Variants in PRSS55 observed in about 807,000 individuals in gnomAD.
PRSS55 encodes the protein probable serine protease UNQ9391/PRO34284.
Under a neutral mutation model 23.6 loss-of-function variants are expected in PRSS55, and 41 were observed. That is an observed-to-expected ratio of 1.74 (90% CI 1.35 to 2.26). PRSS55 has a LOEUF of 2.26. Ranked by LOEUF, PRSS55 falls within the 30% of genes most tolerant of loss-of-function variation. The pLI is 0.00. For synonymous variants in PRSS55, 262 were observed against 175.5 expected, an observed-to-expected ratio of 1.49 and a Z score of -3.90; for missense variants, 669 against 439.1, an observed-to-expected ratio of 1.52 and a Z score of -4.68.
chr8:10,542,798 GGGA>G (rs1812695447), downstream of PRSS55, among the ~76,000 whole-genome samples: 1 of 148,456 alleles, frequency 6.7e-6, no homozygotes, highest in Non-Finnish European at 1.5e-5. Flanking sequence ...GCTTGAACCC[GGGA>G]GGCGGAGGTT....
chr8:10,530,470 C>T (rs1473141097), intron 2 of PRSS55, among the ~76,000 whole-genome samples: 1 of 152,172 alleles, frequency 6.6e-6, no homozygotes, highest in Admixed American at 6.5e-5. Context: ...AGCGAAACTC[C>T]ATCTCAAAAA....
At chr8:10,543,532 G>A (rs1223413028), downstream of PRSS55, among the ~76,000 whole-genome samples, 6 of 146,332 alleles carry the variant, frequency 4.1e-5, no homozygotes, top group African/African-American at 7.6e-5. Context: ...TCAGTGCAGC[G>A]GCACCATTTT....
chr8:10,531,434 G>T lies in PRSS55; in HGVS notation c.487G>T (p.Ala163Ser), dbSNP rs774598480. The change falls in exon 3 of 5, where the codon GCT becomes TCT. Residue 163 changes from alanine (A) to serine (S), a missense_variant. Transcript: ENST00000328655. ...MDNDIALLLL[A>S]SPIKLDDLKV... ...CAATGACATTGCCTTGCTGCTGCTGGCTTCGCCCATCAAGCTCGATGACCT... is the reference window on the plus strand; with the variant it reads ...CAATGACATTGCCTTGCTGCTGCTGTCTTCGCCCATCAAGCTCGATGACCT... 6.2e-7 allele frequency: 1 copy of T among 1,614,098 alleles called. No homozygotes were observed. Among genetic ancestry groups the T allele is most frequent in the African/African-American group, 1.3e-5 (1 of 74,962 alleles).
intron 4 of PRSS55, among the ~76,000 whole-genome samples, chr8:10,551,018 C>T (rs1205820432): frequency 6.6e-6 from 1 of 152,220 alleles, no homozygotes; most frequent in African/African-American, 2.4e-5. Context: ...TTTGAAATCC[C>T]CTGTTGCCGC....
At chr8:10,538,042 C>G (rs369172335) in intron 4 of PRSS55, among the ~76,000 whole-genome samples, 2 of 152,330 alleles carry the variant, frequency 1.3e-5, no homozygotes, top group Non-Finnish European at 2.9e-5. Flanking sequence ...TGTGCTTCTG[C>G]AAGAACACAA....
chr8:10,543,484 T>TC (rs1563547462), downstream of PRSS55, among the ~76,000 whole-genome samples: 8 of 92,298 alleles, frequency 8.7e-5, no homozygotes, highest in African/African-American at 1.3e-4. Flanking sequence ...TTCTCTCTTT[T>TC]TTTTTTTTTT....
At chr8:10,545,122 C>G in intron 4 of PRSS55, 1 of 347,050 alleles carries the variant, frequency 2.9e-6, no homozygotes, top group Non-Finnish European at 4.1e-6. Flanking sequence ...TATTTCAAAC[C>G]AATACTTTCA....
Position 10,525,627 on chromosome 8 carries a change from G to A in PRSS55, c.42G>A (p.Thr14=), listed in dbSNP as rs373798436. The change falls in exon 1 of 5, where the codon ACG becomes ACA. Residue 14 remains threonine, a synonymous_variant. Transcript: ENST00000328655. ...FSVLLLLSLV[T]GTQLGPRTPL... ...TGTTGCTGCTCCTGTCCCTGGTCAC[G>A]GGAACTCAGCTCGGTCCACGGACTC... 34 of 1,613,998 alleles carry A rather than the reference G, an allele frequency of 2.1e-5. No homozygotes were observed. Among genetic ancestry groups the A allele is most frequent in the Middle Eastern group, 1.6e-4 (1 of 6,082 alleles).
At chr8:10,538,861 T>C, downstream of PRSS55, 1 of 1,422,676 alleles carries the variant, frequency 7.0e-7, no homozygotes, top group Non-Finnish European at 9.5e-7. Flanking sequence ...GCAGAGGCTC[T>C]GTCTGCAGCT....
At chr8:10,538,825 G>GT (rs1287983137), downstream of PRSS55, 4 of 1,523,686 alleles carry the variant, frequency 2.6e-6, no homozygotes, top group East Asian at 9.1e-5. Flanking sequence ...TTCAACCGAG[G>GT]GAGGGTGCAT....
chr8:10,547,255 G>A (rs531732827), intron 4 of PRSS55, among the ~76,000 whole-genome samples: 2 of 152,312 alleles, frequency 1.3e-5, no homozygotes, highest in East Asian at 3.9e-4. Flanking sequence ...GCGTGCGCCA[G>A]CCGGTGGCCT....
chr8:10,541,762 C>T (rs1012214175), downstream of PRSS55, among the ~76,000 whole-genome samples: 1 of 152,058 alleles, frequency 6.6e-6, no homozygotes, highest in African/African-American at 2.4e-5. Context: ...GTTGCTGTTT[C>T]ACTTTTCTTT....
chr8:10,534,424 G>T (rs750326970), intron 4 of PRSS55, among the ~76,000 whole-genome samples: 10 of 152,128 alleles, frequency 6.6e-5, no homozygotes, highest in Non-Finnish European at 1.3e-4. Context: ...CACCTCTCAA[G>T]GATCATGGAA....
chr8:10,549,953 T>A (rs1377287394), intron 4 of PRSS55, among the ~76,000 whole-genome samples: 2 of 152,192 alleles, frequency 1.3e-5, no homozygotes, highest in Non-Finnish European at 2.9e-5. Flanking sequence ...ACAGTCTCAG[T>A]CTATTGCTCA....
rs76096875 is a variant in PRSS55, at chr8:10,551,657, C to T, written c.742-2286C>T. On this transcript the variant is annotated intron_variant, in intron 4 of 4. Transcript: ENST00000522210. ...ACGCTGACCGATGTGCCAATGACAGCGGCTGAAGGGAACAGCTGAGAACAT... is the reference window on the plus strand; with the variant it reads ...ACGCTGACCGATGTGCCAATGACAGTGGCTGAAGGGAACAGCTGAGAACAT... Among the ~76,000 whole-genome samples, 869 of 152,346 alleles carry T rather than the reference C, an allele frequency of 5.7e-3. 2 individuals carry two copies. The highest frequency in any genetic ancestry group is 0.01 in the Middle Eastern group (3 of 294).
downstream of PRSS55, among the ~76,000 whole-genome samples, chr8:10,542,616 C>G (rs994507976): frequency 6.6e-6 from 1 of 151,762 alleles, no homozygotes; most frequent in Non-Finnish European, 1.5e-5. Context: ...ATGTCTAATC[C>G]CAGCACTTTG....
At chr8:10,550,842 G>GTGTGTGTGCA (rs1812936723) in intron 4 of PRSS55, among the ~76,000 whole-genome samples, 1 of 152,098 alleles carries the variant, frequency 6.6e-6, no homozygotes, top group Admixed American at 6.5e-5. Flanking sequence ...GTGTGTGTGC[G>GTGTGTGTGCA]TGAGCACAAA....
intron 1 of PRSS55, 31 bp from the exon 2 acceptor site, chr8:10,529,476 T>C (rs1231719895): frequency 3.1e-6 from 5 of 1,608,822 alleles, no homozygotes; most frequent in African/African-American, 1.3e-5. Flanking sequence ...GTGTTTCCCC[T>C]TTTCCTTTCC....
Position 10,537,894 on chromosome 8 carries a change from G to A in PRSS55, c.742-582G>A, listed in dbSNP as rs1006470137. 4.6e-5 allele frequency among the ~76,000 whole-genome samples: 7 copies of A among 152,188 alleles called. No individual in the cohort carries two copies. The South Asian group carries it at 1.0e-3, about 23-fold the overall frequency. Reference sequence around the variant, plus strand: ...GGGCATTTGTTTGATTTATGTAGACGTGGGGCATGGCAGGGACTTGGTTCA... The same window carrying A: ...GGGCATTTGTTTGATTTATGTAGACATGGGGCATGGCAGGGACTTGGTTCA... On this transcript the variant is annotated intron_variant, in intron 4 of 4. Transcript: ENST00000328655.
Sources: gnomAD v4.1 joint callset for allele counts (sites outside exome capture counted in the v4.1 genomes callset) on GRCh38, gnomAD v4.1.1 for gene constraint, MANE v1.5 for transcripts, NCBI Gene and HGNC (gene_info 2026-07-23, HGNC 2026-07-21) for gene names.